The following PGPEP1L variants were observed in gnomAD, a reference collection of about 807,000 sequenced individuals.
PGPEP1L encodes the protein pyroglutamyl-peptidase I like.
Under a neutral mutation model 6.0 loss-of-function variants are expected in PGPEP1L, and 7 were observed. The observed-to-expected ratio is 1.17, with a 90% CI of 0.66 to 2.19. The LOEUF is 2.19. Among genes scored for constraint, PGPEP1L ranks in the 30% most tolerant of loss-of-function variants. The pLI, the probability that PGPEP1L is intolerant of heterozygous loss-of-function variation, is 0.00. For synonymous variants in PGPEP1L, 103 were observed against 83.9 expected (o/e 1.23, Z -1.24); for missense variants, 209 against 192.5 (o/e 1.09, Z -0.51).
chr15:98,984,018 T>A (rs1465859802), intron 2 of PGPEP1L, among the ~76,000 whole-genome samples: 229 of 140,520 alleles, frequency 1.6e-3, no homozygotes, highest in Admixed American at 2.9e-3. Flanking sequence ...TCTTTTTTTT[T>A]TTTTTTTTTT....
chr15:98,994,238 C>T (rs1555472311), intron 2 of PGPEP1L, among the ~76,000 whole-genome samples: 1 of 152,070 alleles, frequency 6.6e-6, no homozygotes, highest in Non-Finnish European at 1.5e-5. Context: ...TGCACTCCAG[C>T]CTGGGTGACA....
At chr15:98,980,369 C>G (rs2017640533) in intron 2 of PGPEP1L, among the ~76,000 whole-genome samples, 1 of 152,100 alleles carries the variant, frequency 6.6e-6, no homozygotes, top group Non-Finnish European at 1.5e-5. Flanking sequence ...CAGGAGGAGA[C>G]AGACTTTCAA....
chr15:98,972,736 T>A (rs1232779721), intron 2 of PGPEP1L, among the ~76,000 whole-genome samples: 2 of 151,720 alleles, frequency 1.3e-5, no homozygotes, highest in Non-Finnish European at 1.5e-5. Context: ...CAGGGCATGG[T>A]GGCAGGCACC....
At chr15:99,003,752 T>C (rs1181856036) in intron 2 of PGPEP1L, among the ~76,000 whole-genome samples, 1 of 147,868 alleles carries the variant, frequency 6.8e-6, no homozygotes, top group Non-Finnish European at 1.5e-5. Flanking sequence ...TCAAACAATT[T>C]CCAGTTTGCC....
intron 4 of PGPEP1L, 23 bp from the exon 5 acceptor site, chr15:98,968,720 A>G (rs376885612): frequency 1.9e-5 from 29 of 1,548,096 alleles, no homozygotes; most frequent in Non-Finnish European, 2.3e-5. Context: ...GAAATGCCAC[A>G]TTAATTCTCG....
chr15:98,988,627 G>A lies in PGPEP1L; in HGVS notation c.-142+16802C>T, dbSNP rs558231196. On this transcript the variant is annotated intron_variant, in intron 2 of 4. Coordinates refer to ENST00000535714, the MANE Select transcript of PGPEP1L (RefSeq NM_001167902.2). ...AGAGAGGAGCGGATCTCCCAGCAGT[G>A]TCTGATCTTTGATAAGGGACAGACT... Among the ~76,000 whole-genome samples, 7 of 151,944 alleles carry A rather than the reference G, an allele frequency of 4.6e-5. No homozygotes were observed. The East Asian group carries it at 1.4e-3, about 30-fold the overall frequency.
chr15:98,986,164 GCA>G (rs1402697466), intron 2 of PGPEP1L, among the ~76,000 whole-genome samples: 2 of 152,140 alleles, frequency 1.3e-5, no homozygotes, highest in Admixed American at 6.5e-5. Context: ...CTAGTTCCAG[GCA>G]CAGAGCTTCA....
Position 98,968,598 on chromosome 15 carries a change from G to A in PGPEP1L, c.309C>T (p.Ser103=). 1 of 1,610,428 alleles carries A rather than the reference G, an allele frequency of 6.2e-7. No individual in the cohort carries two copies. The highest frequency in any genetic ancestry group is 2.2e-5 in the East Asian group (1 of 44,800). Residue 103 remains serine, a synonymous_variant, in exon 5 of 5, where the codon AGC becomes AGT. Transcript: ENST00000535714. ...VPPLSRGLPA[S]LLGRALRVII... ...TGACTCTCAAGGCTCTTCCCAGCAG[G>A]CTGGCCGGGAGCCCGCGCGATAGTG...
chr15:98,971,640 C>G (rs1022107497), intron 2 of PGPEP1L, among the ~76,000 whole-genome samples: 2 of 152,174 alleles, frequency 1.3e-5, no homozygotes, highest in Admixed American at 6.5e-5. Context: ...AATGCCAGAC[C>G]TGTCTTACAA....
chr15:98,977,341 C>T (rs1465226923), intron 2 of PGPEP1L, among the ~76,000 whole-genome samples: 1 of 152,134 alleles, frequency 6.6e-6, no homozygotes, highest in Non-Finnish European at 1.5e-5. Flanking sequence ...GAACTTTCTT[C>T]TGCTATAATA....
At chr15:98,984,925 C>T (rs944203909) in intron 2 of PGPEP1L, among the ~76,000 whole-genome samples, 5 of 152,194 alleles carry the variant, frequency 3.3e-5, no homozygotes, top group Admixed American at 6.5e-5. Context: ...GAACCCTGGA[C>T]GTGGGCCTGC....
chr15:98,993,316 G>A (rs1490350789), intron 2 of PGPEP1L, among the ~76,000 whole-genome samples: 2 of 152,212 alleles, frequency 1.3e-5, no homozygotes, highest in East Asian at 3.9e-4. Flanking sequence ...CTCAAAAGAC[G>A]ACATTTATGT....
intron 2 of PGPEP1L, among the ~76,000 whole-genome samples, chr15:99,001,483 G>A (rs1461037874): frequency 6.6e-6 from 1 of 152,144 alleles, no homozygotes; most frequent in African/African-American, 2.4e-5. Context: ...AAAATTGACT[G>A]TAGTGATGAA....
intron 3 of PGPEP1L, among the ~76,000 whole-genome samples, chr15:98,969,879 T>C (rs953411755): frequency 6.6e-6 from 1 of 152,206 alleles, no homozygotes; most frequent in African/African-American, 2.4e-5. Flanking sequence ...ATGCTGCATT[T>C]ACATTTAAAT....
In PGPEP1L at chr15:99,000,125, G is replaced by C. The variant is rs368826384; in HGVS notation, c.-142+5304C>G. On this transcript the variant is annotated intron_variant, in intron 2 of 4. Transcript: ENST00000535714. ...CGAATTCCGGGTGGGCGTGGGCTCC[G>C]CGGGCCCCGCACTGGGAGTGGCCGG... is the stretch of plus-strand genomic sequence containing the variant. Among the ~76,000 whole-genome samples, 78 of 152,362 alleles carry C rather than the reference G, an allele frequency of 5.1e-4. 1 individual carries two copies. Among genetic ancestry groups the C allele is most frequent in the African/African-American group, 1.9e-3 (77 of 41,592 alleles).
chr15:98,991,692 G>A (rs1252413845), intron 2 of PGPEP1L, among the ~76,000 whole-genome samples: 1 of 152,160 alleles, frequency 6.6e-6, no homozygotes, highest in African/African-American at 2.4e-5. Flanking sequence ...GAACATTGAT[G>A]CAAAAATCCT....
At position 98,968,892 on chromosome 15, in the gene PGPEP1L, GCCTCATGA is replaced by G. The variant is rs553729748; in HGVS notation, c.210-203_210-196del. On this transcript the variant is annotated intron_variant, in intron 4 of 4. Coordinates refer to ENST00000535714, the MANE Select transcript of PGPEP1L (RefSeq NM_001167902.2). ...GGGAGAGCTGGCTCTTGGCCTCATGGCCTCATGACCGGCAAGTGGCCAAGGCAGAAAGG... is the reference window on the plus strand; with the variant it reads ...GGGAGAGCTGGCTCTTGGCCTCATGGCCGGCAAGTGGCCAAGGCAGAAAGG... 4.1e-4 allele frequency among the ~76,000 whole-genome samples: 62 copies of G among 152,350 alleles called. No homozygotes were observed. In the East Asian group the frequency reaches 7.1e-3, roughly 18 times the overall value.
chr15:98,981,745 TTAA>T (rs1236614288), intron 2 of PGPEP1L, among the ~76,000 whole-genome samples: 1 of 152,136 alleles, frequency 6.6e-6, no homozygotes, highest in Non-Finnish European at 1.5e-5. Flanking sequence ...ACGTACAAGG[TTAA>T]TAATGGGAAG....
At chr15:98,996,404 T>A (rs1328773540) in intron 2 of PGPEP1L, among the ~76,000 whole-genome samples, 1 of 152,214 alleles carries the variant, frequency 6.6e-6, no homozygotes, top group East Asian at 1.9e-4. Context: ...ACAATGCTGA[T>A]CATGAAACTC....
Sources: allele counts gnomAD v4.1 joint callset (sites outside exome capture counted in the v4.1 genomes callset), GRCh38; gene constraint gnomAD v4.1.1; transcripts MANE v1.5; gene names NCBI Gene and HGNC (gene_info 2026-07-23, HGNC 2026-07-21).